UVRAG: variants seen among roughly 807,000 people sequenced by gnomAD.
The protein encoded by UVRAG is UV radiation resistance-associated gene protein.
Under a neutral mutation model 78.0 loss-of-function variants are expected in UVRAG, and 19 were observed. The observed-to-expected ratio is 0.24, with a 90% confidence interval of 0.17 to 0.36. The LOEUF is 0.36. Among genes scored for constraint, UVRAG ranks in the 10% least tolerant of loss-of-function variants. UVRAG has a pLI of 1.00. For synonymous variants in UVRAG, 323 were observed against 324.6 expected, an observed-to-expected ratio of 1.00 and a Z score of 0.05; for missense variants, 740 against 853.8, an observed-to-expected ratio of 0.87 and a Z score of 1.66.
intron 8 of UVRAG, among the ~76,000 whole-genome samples, chr11:75,984,511 A>G (rs1044138380): frequency 3.3e-5 from 5 of 152,218 alleles, no homozygotes; most frequent in Admixed American, 1.3e-4. Context: ...TCAACTTACA[A>G]TGGGTTTATC....
rs565114466 is a variant in UVRAG, at chr11:76,032,810, AT to A, written c.1226+15831del. Among the ~76,000 whole-genome samples, 25 of 152,338 alleles carry A rather than the reference AT, an allele frequency of 1.6e-4. No individual in the cohort carries two copies. In the East Asian group the frequency reaches 4.2e-3, roughly 26 times the overall value. ...CACAAAGCAGATAATACACCTTTCC[AT>A]GGACCAAAGCCTCCACTTTCTCACC... On this transcript the variant is annotated intron_variant, in intron 12 of 14. Coordinates refer to ENST00000356136, the MANE Select transcript of UVRAG (RefSeq NM_003369.4).
At position 76,003,257 on chromosome 11, in the gene UVRAG, A is replaced by ATTTTTTT. The variant is rs398045280; in HGVS notation, c.827-723_827-717dup. ...CACTATGATTTTCACGAAAATACTG[A>ATTTTTTT]TTTTTTTTTTTTTTTTTTTTTTTTT... On this transcript the variant is annotated intron_variant, in intron 8 of 14. Coordinates refer to ENST00000356136, the MANE Select transcript of UVRAG (RefSeq NM_003369.4). 4.1e-4 allele frequency among the ~76,000 whole-genome samples: 22 copies of ATTTTTTT among 53,786 alleles called. 1 individual carries two copies. Among genetic ancestry groups the ATTTTTTT allele is most frequent in the African/African-American group, 1.5e-3 (19 of 12,898 alleles). 35.3% of individuals were successfully genotyped at this position (53,786 alleles called of 152,430 possible).
intron 8 of UVRAG, among the ~76,000 whole-genome samples, chr11:75,995,496 A>T: frequency 8.1e-6 from 1 of 123,128 alleles, no homozygotes. Flanking sequence ...TCTTATTGTC[A>T]TTTTGAAAAA....
At chr11:75,944,023 A>G (rs1209420084) in intron 6 of UVRAG, among the ~76,000 whole-genome samples, 1 of 152,170 alleles carries the variant, frequency 6.6e-6, no homozygotes, top group African/African-American at 2.4e-5. Context: ...TTTAAAGTCT[A>G]TAGCACTGTA....
chr11:75,857,471 T>C (rs1034968285), intron 2 of UVRAG, among the ~76,000 whole-genome samples: 7 of 152,268 alleles, frequency 4.6e-5, no homozygotes, highest in Admixed American at 4.6e-4. Flanking sequence ...TTCCACCTTC[T>C]TGCAGATCTT....
Position 75,851,896 on chromosome 11 carries a change from A to G in UVRAG, c.131A>G (p.His44Arg). The G allele has an allele frequency of 6.2e-7, 1 of 1,609,076 alleles. No homozygotes were observed. Among genetic ancestry groups the G allele is most frequent in the Non-Finnish European group, 8.5e-7 (1 of 1,178,898 alleles). Reference sequence around the variant, plus strand: ...GTTATTTTTCAGCGGCGTCTTCGACATCTTCGGAACATTGCTGCCCGGAAC... The same window carrying G: ...GTTATTTTTCAGCGGCGTCTTCGACGTCTTCGGAACATTGCTGCCCGGAAC... ...ELPSQQRRLR[H>R]LRNIAARNIV... The change falls in exon 2 of 15, where the codon CAT (histidine) becomes CGT (arginine). Residue 44 changes from histidine (H) to arginine (R), a missense_variant. Transcript: ENST00000356136.
chr11:76,037,901 C>T (rs150935307), intron 12 of UVRAG, among the ~76,000 whole-genome samples: 2 of 151,940 alleles, frequency 1.3e-5, no homozygotes, highest in African/African-American at 4.8e-5. Flanking sequence ...AATATATAGT[C>T]GGCCCTCTCA....
rs1357676109 is a variant in UVRAG at position 75,880,002 on chromosome 11, A to G, written c.394A>G (p.Lys132Glu). The G allele has an allele frequency of 6.2e-7, 1 of 1,614,164 alleles. No individual in the cohort carries two copies. The highest frequency in any genetic ancestry group is 1.7e-5 in the Admixed American group (1 of 60,022). Residue 132 changes from lysine (K) to glutamate (E), a missense_variant, in exon 4 of 15, where the codon AAA (lysine) becomes GAA (glutamate). By Grantham distance (56) the Lys-to-Glu change is moderately conservative. Transcript: ENST00000356136. ...CATCTACCAGCTGTTGATTGAATGG[A>G]AAGTCTGTTTGGATGGGCTGAAATA... ...ENIYQLLIEWKVCLDGLKYLG... is the reference protein window; with the variant it reads ...ENIYQLLIEWEVCLDGLKYLG...
intron 14 of UVRAG, among the ~76,000 whole-genome samples, chr11:76,116,974 C>G (rs184422195): frequency 6.6e-6 from 1 of 152,296 alleles, no homozygotes; most frequent in Admixed American, 6.5e-5. Flanking sequence ...TAAAGAATTC[C>G]ACTCAAAACA....
At chr11:76,101,717 T>A (rs1414298805) in intron 13 of UVRAG, among the ~76,000 whole-genome samples, 2 of 152,188 alleles carry the variant, frequency 1.3e-5, no homozygotes, top group Non-Finnish European at 2.9e-5. Flanking sequence ...TTTTGGGTTG[T>A]ACATGTAAGT....
intron 13 of UVRAG, among the ~76,000 whole-genome samples, chr11:76,108,773 GT>G (rs563389212): frequency 2.0e-4 from 30 of 152,170 alleles, no homozygotes; most frequent in African/African-American, 7.2e-4. Flanking sequence ...ATCTTCCTGG[GT>G]TTTTTTAGCG....
intron 6 of UVRAG, among the ~76,000 whole-genome samples, chr11:75,915,553 G>A (rs1401013157): frequency 6.6e-6 from 1 of 152,138 alleles, no homozygotes; most frequent in African/African-American, 2.4e-5. Flanking sequence ...ACCACAAGGT[G>A]TCAATGTTAT....
At chr11:75,855,602 G>C (rs1946271155) in intron 2 of UVRAG, among the ~76,000 whole-genome samples, 1 of 152,140 alleles carries the variant, frequency 6.6e-6, no homozygotes. Context: ...GTGAATATTT[G>C]ATGATCATTG....
At chr11:76,086,388 A>G (rs1384299530) in intron 13 of UVRAG, among the ~76,000 whole-genome samples, 2 of 152,230 alleles carry the variant, frequency 1.3e-5, no homozygotes, top group Non-Finnish European at 2.9e-5. Flanking sequence ...CAGGAAACCA[A>G]TCAGAACTAT....
intron 13 of UVRAG, among the ~76,000 whole-genome samples, chr11:76,105,102 A>G (rs542473743): frequency 6.6e-6 from 1 of 152,322 alleles, no homozygotes; most frequent in South Asian, 2.1e-4. Flanking sequence ...CATATGTGTT[A>G]AGTATTCATC....
chr11:75,924,783 C>T (rs1399432709), intron 6 of UVRAG, among the ~76,000 whole-genome samples: 1 of 152,106 alleles, frequency 6.6e-6, no homozygotes, highest in Non-Finnish European at 1.5e-5. Context: ...ACTAGGACCT[C>T]TTATAGGCAA....
rs80208368 is a variant in UVRAG at position 75,912,881 on chromosome 11, T to G, written c.593+842T>G. Reference sequence around the variant, plus strand: ...AACTTGAATCTTATTACACATGATATAGAGTTTGGTCACATGGACTGTGTC... The same window carrying G: ...AACTTGAATCTTATTACACATGATAGAGAGTTTGGTCACATGGACTGTGTC... On this transcript the variant is annotated intron_variant, in intron 6 of 14. Coordinates refer to ENST00000356136, the MANE Select transcript of UVRAG (RefSeq NM_003369.4). Among the ~76,000 whole-genome samples the G allele has an allele frequency of 3.3e-5, 5 of 152,218 alleles. No individual in the cohort carries two copies. In the South Asian group the frequency reaches 1.0e-3, roughly 32 times the overall value.
chr11:75,858,105 T>C (rs12280464), intron 2 of UVRAG, among the ~76,000 whole-genome samples: 29,034 of 151,806 alleles, frequency 0.19, 4,216 homozygotes, highest in African/African-American at 0.41. Flanking sequence ...ATACTAGGCC[T>C]TCAAATATTT....
At chr11:75,843,118 C>T (rs1008330229) in intron 1 of UVRAG, among the ~76,000 whole-genome samples, 2 of 152,124 alleles carry the variant, frequency 1.3e-5, no homozygotes, top group Non-Finnish European at 2.9e-5. Flanking sequence ...TAATATACCT[C>T]AGAAGCCAGA....
Sources: gnomAD v4.1 joint callset for allele counts (sites outside exome capture counted in the v4.1 genomes callset) on GRCh38, gnomAD v4.1.1 for gene constraint, MANE v1.5 for transcripts, NCBI Gene and HGNC (gene_info 2026-07-23, HGNC 2026-07-21) for gene names.